Variants in CAB39 observed in about 807,000 individuals in gnomAD.
CAB39 encodes the protein calcium binding protein 39.
CAB39 carries 8 observed loss-of-function variants against 40.0 expected under a neutral mutation model. The observed-to-expected ratio is 0.20, with a 90% CI of 0.12 to 0.36. CAB39 has a LOEUF of 0.36. Ranked by LOEUF, CAB39 falls within the 10% of genes least tolerant of loss-of-function variation. CAB39 has a pLI of 1.00. For missense variants in CAB39, 270 were observed against 401.1 expected, an observed-to-expected ratio of 0.67 and a Z score of 2.79; for synonymous variants, 156 against 141.6, an observed-to-expected ratio of 1.10 and a Z score of -0.72.
rs1198140121 is a variant in CAB39 at position 230,790,865 on chromosome 2, A to C, written c.115-7A>C. The C allele has an allele frequency of 6.3e-7, 1 of 1,594,026 alleles. No individual in the cohort carries two copies. The highest frequency in any genetic ancestry group is 2.2e-5 in the East Asian group (1 of 44,814). Reference sequence around the variant, plus strand: ...CTCCTCTTCCCAACTCCTCTCTCTAAAATTAGGCTACAGAAGAAGTTTCCA... The same window carrying C: ...CTCCTCTTCCCAACTCCTCTCTCTACAATTAGGCTACAGAAGAAGTTTCCA... On this transcript the variant is annotated splice_polypyrimidine_tract_variant and splice_region_variant and intron_variant, in intron 2 of 8. Transcript: ENST00000258418.
chr2:230,725,381 C>G (rs188419224), intron 1 of CAB39: 3 of 1,600,302 alleles, frequency 1.9e-6, no homozygotes, highest in East Asian at 2.2e-5. Context: ...CACGAAGTCT[C>G]GGTGCTTTTG....
intron 5 of CAB39, among the ~76,000 whole-genome samples, chr2:230,808,531 G>A (rs147607644): frequency 3.4e-4 from 52 of 152,272 alleles, no homozygotes; most frequent in East Asian, 3.1e-3. Flanking sequence ...CATGGACCAC[G>A]GTACGAAGAT....
At chr2:230,807,604 C>A (rs1575961313) in intron 5 of CAB39, among the ~76,000 whole-genome samples, 1 of 152,166 alleles carries the variant, frequency 6.6e-6, no homozygotes, top group Non-Finnish European at 1.5e-5. Flanking sequence ...CACATAGAAT[C>A]TCCCCTACAT....
intron 4 of CAB39, among the ~76,000 whole-genome samples, chr2:230,796,166 G>A (rs1249683154): frequency 2.0e-5 from 3 of 152,126 alleles, no homozygotes; most frequent in Non-Finnish European, 4.4e-5. Flanking sequence ...TTGAAGGAGC[G>A]CTGTGAACTG....
At chr2:230,739,035 T>C (rs1349799272) in intron 1 of CAB39, among the ~76,000 whole-genome samples, 3 of 152,212 alleles carry the variant, frequency 2.0e-5, no homozygotes, top group African/African-American at 7.2e-5. Flanking sequence ...ACTTGAACTT[T>C]CAAGTTTTCT....
At chr2:230,780,243 T>A (rs1459177998) in intron 2 of CAB39, among the ~76,000 whole-genome samples, 4 of 152,172 alleles carry the variant, frequency 2.6e-5, no homozygotes, top group Non-Finnish European at 5.9e-5. Context: ...AGATTATTGA[T>A]GAACTTATCA....
Position 230,745,885 on chromosome 2 carries a change from A to G in CAB39, c.-43-14074A>G, listed in dbSNP as rs554461186. ...TGTGATCCGCCTGCTTCGGCCTCCCAAAGTGCTGGGATTACAGCATGAGCC... is the reference window on the plus strand; with the variant it reads ...TGTGATCCGCCTGCTTCGGCCTCCCGAAGTGCTGGGATTACAGCATGAGCC... On this transcript the variant is annotated intron_variant, in intron 1 of 8. Coordinates refer to ENST00000258418, the MANE Select transcript of CAB39 (RefSeq NM_016289.4). Among the ~76,000 whole-genome samples the G allele has an allele frequency of 2.6e-5, 4 of 152,222 alleles. No homozygotes were observed. The East Asian group carries it at 5.8e-4, about 22-fold the overall frequency.
chr2:230,774,488 ACTTAGT>A (rs1695550492), intron 2 of CAB39, among the ~76,000 whole-genome samples: 1 of 152,092 alleles, frequency 6.6e-6, no homozygotes, highest in South Asian at 2.1e-4. Context: ...GTGGGGTGGG[ACTTAGT>A]CTTTCACTGC....
At chr2:230,764,781 A>T (rs867360563) in intron 2 of CAB39, among the ~76,000 whole-genome samples, 1 of 152,228 alleles carries the variant, frequency 6.6e-6, no homozygotes, top group African/African-American at 2.4e-5. Flanking sequence ...CTGTCTTCCA[A>T]TAACAAAAGC....
intron 2 of CAB39, among the ~76,000 whole-genome samples, chr2:230,768,626 T>C (rs1695430402): frequency 6.6e-6 from 1 of 152,172 alleles, no homozygotes; most frequent in African/African-American, 2.4e-5. Context: ...TGGAGGAGAA[T>C]AGCACATTCT....
chr2:230,809,198 C>G (rs532128012), intron 5 of CAB39, among the ~76,000 whole-genome samples: 38 of 152,228 alleles, frequency 2.5e-4, no homozygotes, highest in African/African-American at 9.1e-4. Flanking sequence ...AGTCTAGGAC[C>G]TGACATCTGG....
At chr2:230,720,581 G>A (rs1694431090) in intron 1 of CAB39, among the ~76,000 whole-genome samples, 1 of 152,094 alleles carries the variant, frequency 6.6e-6, no homozygotes, top group East Asian at 1.9e-4. Context: ...GATTACAGGT[G>A]CGCGCCACCA....
Position 230,793,282 on chromosome 2 carries a change from G to A in CAB39, c.349G>A (p.Val117Ile). Reference sequence around the variant, plus strand: ...ACAAATTGGTACGAGAACTCCTACTGTTGAATACATCTGCACCCAACAGAA... The same window carrying A: ...ACAAATTGGTACGAGAACTCCTACTATTGAATACATCTGCACCCAACAGAA... ...RRQIGTRTPT[V>I]EYICTQQNIL... Residue 117 changes from valine (V) to isoleucine (I), a missense_variant, in exon 4 of 9, where the codon GTT becomes ATT. Transcript: ENST00000258418. The A allele has an allele frequency of 1.2e-6, 2 of 1,610,398 alleles. No individual in the cohort carries two copies. Among genetic ancestry groups the A allele is most frequent in the Non-Finnish European group, 1.7e-6 (2 of 1,177,190 alleles).
At chr2:230,797,991 G>C (rs540947362) in intron 4 of CAB39, among the ~76,000 whole-genome samples, 4 of 152,286 alleles carry the variant, frequency 2.6e-5, no homozygotes, top group African/African-American at 9.6e-5. Flanking sequence ...GGGCGGAAGA[G>C]TCCAGTCAGA....
intron 2 of CAB39, among the ~76,000 whole-genome samples, chr2:230,789,186 T>C (rs1575948352): frequency 6.6e-6 from 1 of 152,258 alleles, no homozygotes; most frequent in Non-Finnish European, 1.5e-5. Context: ...ATTTTTATCT[T>C]AGACCTTGTA....
chr2:230,738,137 C>T (rs752288228), intron 1 of CAB39, among the ~76,000 whole-genome samples: 2 of 152,196 alleles, frequency 1.3e-5, no homozygotes, highest in African/African-American at 2.4e-5. Flanking sequence ...GAAACGTCTC[C>T]GCTGAAGTCT....
intron 5 of CAB39, among the ~76,000 whole-genome samples, chr2:230,801,380 C>G (rs552986528): frequency 6.6e-6 from 1 of 152,186 alleles, no homozygotes. Flanking sequence ...GTTGCTGCTC[C>G]TCTCCTGTCT....
At chr2:230,752,799 A>T (rs1695113684) in intron 1 of CAB39, among the ~76,000 whole-genome samples, 1 of 152,252 alleles carries the variant, frequency 6.6e-6, no homozygotes, top group Non-Finnish European at 1.5e-5. Context: ...AACTGAATAT[A>T]CATGGAAGAG....
At chr2:230,805,221 C>T (rs1457230687) in intron 5 of CAB39, among the ~76,000 whole-genome samples, 1 of 129,380 alleles carries the variant, frequency 7.7e-6, no homozygotes. Context: ...GGACACAGGG[C>T]GGGGAACATC....
Sources: allele counts gnomAD v4.1 joint callset (sites outside exome capture counted in the v4.1 genomes callset), GRCh38; gene constraint gnomAD v4.1.1; transcripts MANE v1.5; gene names NCBI Gene and HGNC (gene_info 2026-07-23, HGNC 2026-07-21).